The following PKLR variants were observed in gnomAD, a reference collection of about 807,000 sequenced individuals.
PKLR encodes the protein pyruvate kinase PKLR.
Under a neutral mutation model 53.6 loss-of-function variants are expected in PKLR, and 38 were observed. The observed-to-expected ratio is 0.71, with a 90% confidence interval of 0.55 to 0.93. The LOEUF is 0.93. Ranked by LOEUF, PKLR falls within the 40% of genes least tolerant of loss-of-function variation. The probability of loss-of-function intolerance (pLI) is 0.00; values close to 1 mark genes in which losing one functional copy is unlikely to be tolerated. For synonymous variants in PKLR, 328 were observed against 316.2 expected, an observed-to-expected ratio of 1.04 and a Z score of -0.39; for missense variants, 702 against 787.3, an observed-to-expected ratio of 0.89 and a Z score of 1.30.
rs1647477595 is a variant in PKLR at position 155,295,021 on chromosome 1, G to T, written c.694+95C>A. On this transcript the variant is annotated intron_variant, in intron 5 of 10. Transcript: ENST00000342741. The surrounding 1 kb of genome is among the most constrained non-coding windows in gnomAD (Gnocchi z 4.3). ...GGCTGGCAAAAACGCGTGGCCAGGG[G>T]AAGGTGTGATCGGTCTGAGGGCTGA... 1.4e-6 allele frequency: 2 copies of T among 1,380,078 alleles called. No homozygotes were observed. The highest frequency in any genetic ancestry group is 2.9e-5 in the African/African-American group (2 of 69,948). The allele number at this position is 1,380,078 out of a possible 1,614,324, so 85.5% of individuals were successfully genotyped here.
chr1:155,302,045 C>CT (rs1373681282), upstream of PKLR, among the ~76,000 whole-genome samples: 1 of 151,426 alleles, frequency 6.6e-6, no homozygotes, highest in African/African-American at 2.4e-5. Context: ...TTCCTTTTTT[C>CT]TTTTTCTTTT....
chr1:155,306,831 C>T, the PKLR span, among the ~76,000 whole-genome samples: 1 of 152,160 alleles, frequency 6.6e-6, no homozygotes, highest in Admixed American at 6.5e-5. This position sits in a 1 kb window ranked among gnomAD's most constrained non-coding sequence, Gnocchi z 4.2. Context: ...TTCTGATGTT[C>T]AGATGTGTTC....
intron 1 of PKLR, chr1:155,300,999 A>G (rs1647964996): frequency 6.4e-7 from 1 of 1,554,266 alleles, no homozygotes; most frequent in Non-Finnish European, 8.7e-7. Flanking sequence ...GACTGGTTAA[A>G]GTGTCACCAC....
chr1:155,291,994 G>A, intron 9 of PKLR, 57 bp from the exon 10 acceptor site: 9 of 1,537,874 alleles, frequency 5.9e-6, no homozygotes, highest in Middle Eastern at 2.3e-4. Flanking sequence ...AACGAGGAAA[G>A]GAGAATCTTT....
chr1:155,290,722 C>T, intron 10 of PKLR, 44 bp from the exon 11 acceptor site: 1 of 1,161,536 alleles, frequency 8.6e-7, no homozygotes, highest in Non-Finnish European at 1.3e-6. Context: ...GGTGTGGTGG[C>T]TCACACCTGT....
chr1:155,307,104 G>C, the PKLR span, among the ~76,000 whole-genome samples: 1 of 152,102 alleles, frequency 6.6e-6, no homozygotes, highest in Non-Finnish European at 1.5e-5. Flanking sequence ...TAGTAGAGAT[G>C]GGGTTTCACT....
chr1:155,296,154 A>G (rs1647586456), intron 2 of PKLR, among the ~76,000 whole-genome samples: 1 of 152,120 alleles, frequency 6.6e-6, no homozygotes, highest in Admixed American at 6.5e-5. Flanking sequence ...TGGACTGAGG[A>G]GAGCTGAGTT....
chr1:155,295,578 G>C lies in PKLR; in HGVS notation c.376-10C>G, dbSNP rs760501654. On this transcript the variant is annotated splice_polypyrimidine_tract_variant and intron_variant, in intron 3 of 10. Transcript: ENST00000342741. The surrounding 1 kb of genome is among the most constrained non-coding windows in gnomAD (Gnocchi z 4.3). Reference sequence around the variant, plus strand: ...TGGACTCAGCATGGTACTGGGGGAGGGAGCGGAGCGAGGGTTTCAGGGGAA... The same window carrying C: ...TGGACTCAGCATGGTACTGGGGGAGCGAGCGGAGCGAGGGTTTCAGGGGAA... 3 of 1,614,066 alleles carry C rather than the reference G, an allele frequency of 1.9e-6. No homozygotes were observed. The highest frequency in any genetic ancestry group is 2.5e-6 in the Non-Finnish European group (3 of 1,179,988).
upstream of PKLR, among the ~76,000 whole-genome samples, chr1:155,304,576 T>G (rs1461590819): frequency 6.6e-6 from 1 of 151,840 alleles, no homozygotes; most frequent in Non-Finnish European, 1.5e-5. Flanking sequence ...TGGAGATGCA[T>G]TTTGGAGAAG....
At position 155,294,510 on chromosome 1, in the gene PKLR, T is replaced by G. The variant is rs777926506; in HGVS notation, c.937A>C (p.Lys313Gln). ...TTCACGCCTTCGTGGTTCTCAATTTTGCTGATGATCTTGATGCCGTGTCCT... is the reference window on the plus strand; with the variant it reads ...TTCACGCCTTCGTGGTTCTCAATTTGGCTGATGATCTTGATGCCGTGTCCT... ...PEGHGIKIISKIENHEGVKRF... is the reference protein window; with the variant it reads ...PEGHGIKIISQIENHEGVKRF... Residue 313 changes from lysine to glutamine, a missense_variant, in exon 6 of 11, where the codon AAA becomes CAA. Transcript: ENST00000342741. 1 of 1,614,238 alleles carries G rather than the reference T, an allele frequency of 6.2e-7. No homozygotes were observed. Among genetic ancestry groups the G allele is most frequent in the South Asian group, 1.1e-5 (1 of 91,086 alleles).
At position 155,290,480 on chromosome 1, in the gene PKLR, G is replaced by T; in HGVS notation, c.*92C>A. 1 of 768,536 alleles carries T rather than the reference G, an allele frequency of 1.3e-6. No individual in the cohort carries two copies. Among genetic ancestry groups the T allele is most frequent in the Non-Finnish European group, 2.3e-6 (1 of 432,312 alleles). The allele number at this position is 768,536 out of a possible 1,614,324, so 47.6% of individuals were successfully genotyped here. Reference sequence around the variant, plus strand: ...AATAGAGAAGAGAGGACTTAAAGGTGGGGCTTTGGAGGGGTGTGGGCTGGA... The same window carrying T: ...AATAGAGAAGAGAGGACTTAAAGGTTGGGCTTTGGAGGGGTGTGGGCTGGA... On this transcript the variant is annotated 3_prime_UTR_variant, in exon 11 of 11. Transcript: ENST00000342741.
intron 2 of PKLR, among the ~76,000 whole-genome samples, chr1:155,298,041 CTTTCT>C (rs936673538): frequency 5.3e-5 from 8 of 152,010 alleles, no homozygotes; most frequent in African/African-American, 1.7e-4. Context: ...TTCACTTTTT[CTTTCT>C]TTTCTTTTCT....
rs1190182073 is a variant in PKLR at position 155,295,871 on chromosome 1, C to T, written c.284-115G>A. The T allele has an allele frequency of 1.2e-6, 1 of 840,884 alleles. No homozygotes were observed. Among genetic ancestry groups the T allele is most frequent in the African/African-American group, 1.7e-5 (1 of 59,726 alleles). The allele number at this position is 840,884 out of a possible 1,614,324, so 52.1% of individuals were successfully genotyped here. ...CGCCACAGGCGTCCTGTTACCTGAT[C>T]TTTATTCCCTGATGCAACCCCTGCC... On this transcript the variant is annotated intron_variant, in intron 2 of 10. Coordinates refer to ENST00000342741, the MANE Select transcript of PKLR (RefSeq NM_000298.6). This position sits in a 1 kb window ranked among gnomAD's most constrained non-coding sequence, Gnocchi z 4.3.
At position 155,290,622 on chromosome 1, in the gene PKLR, G is replaced by A. The variant is rs532230312; in HGVS notation, c.1675C>T (p.Arg559Ter). The change falls in exon 11 of 11, where the codon CGA (arginine) becomes TGA (stop). Residue 559 changes from arginine (R) to a stop codon, truncating the protein, a stop_gained. Transcript: ENST00000342741. LOFTEE classifies it high-confidence loss of function. ...GDLVIVVTGW[R>*]PGSGYTNIMR... ...ATGTTGGTGTAGCCGGAGCCAGGTC[G>A]CCAGCCTGTCACCACAATCACCAGG... The A allele has an allele frequency of 5.0e-6, 8 of 1,613,346 alleles. No homozygotes were observed. In the Admixed American group the frequency reaches 5.0e-5, roughly 10 times the overall value.
In PKLR at chr1:155,290,591, C is replaced by T. The variant is rs61755431; in HGVS notation, c.1706G>A (p.Arg569Gln). 1.8e-3 allele frequency: 2,831 copies of T among 1,610,328 alleles called. 10 individuals carry two copies. The highest frequency in any genetic ancestry group is 2.3e-3 in the Non-Finnish European group (2,678 of 1,176,746). Residue 569 changes from arginine (R) to glutamine (Q), a missense_variant, in exon 11 of 11, where the codon CGG (arginine) becomes CAG (glutamine). Around this residue, in one of 2 missense-constraint regions of PKLR, gnomAD observed 183 missense variants for 250.2 expected, o/e 0.73. Transcript: ENST00000342741. ...GGCGTCTCAGGATATGCTTAGCACC[C>T]GCATGATGTTGGTGTAGCCGGAGCC... ...RPGSGYTNIM[R>Q]VLSIS is the part of the protein sequence containing the mutation.
chr1:155,300,863 C>T (rs1647954097), intron 1 of PKLR: 2 of 1,610,898 alleles, frequency 1.2e-6, no homozygotes, highest in South Asian at 2.2e-5. Flanking sequence ...TCAGAGGAGC[C>T]CCCGATTCCA....
Position 155,295,477 on chromosome 1 carries a change from T to C in PKLR, c.467A>G (p.Asp156Gly), listed in dbSNP as rs1647530315. The C allele has an allele frequency of 1.2e-6, 2 of 1,609,274 alleles. No individual in the cohort carries two copies. The highest frequency in any genetic ancestry group is 2.2e-5 in the South Asian group (2 of 90,540). The change falls in exon 4 of 11, where the codon GAC becomes GGC. Residue 156 changes from aspartate (D) to glycine (G), a missense_variant. Transcript: ENST00000342741. The surrounding 1 kb of genome is among the most constrained non-coding windows in gnomAD (Gnocchi z 4.3). ...AGTGCGGATCTCCGGTCCCTTGGTG[T>C]CCAGGGCGATGGCCACGGGCCGGTA... ...LSYRPVAIAL[D>G]TKGPEIRTGI... is the part of the protein sequence containing the mutation.
Position 155,294,497 on chromosome 1 carries a change from T to G in PKLR, c.950A>C (p.His317Pro). ...CAAGCCTCACCTCTTCACGCCTTCG[T>G]GGTTCTCAATTTTGCTGATGATCTT... ...GIKIISKIEN[H>P]EGVKRFDEIL... The change falls in exon 6 of 11, where the codon CAC becomes CCC. Residue 317 changes from histidine (H) to proline (P), a missense_variant. Around this residue, in one of 2 missense-constraint regions of PKLR, gnomAD observed 519 missense variants for 537.1 expected, o/e 0.97. Coordinates refer to ENST00000342741, the MANE Select transcript of PKLR (RefSeq NM_000298.6). 6.2e-7 allele frequency: 1 copy of G among 1,614,188 alleles called. No homozygotes were observed. The highest frequency in any genetic ancestry group is 1.1e-5 in the South Asian group (1 of 91,078).
chr1:155,291,035 AATAAT>A (rs1160813274), intron 10 of PKLR, among the ~76,000 whole-genome samples: 1 of 147,512 alleles, frequency 6.8e-6, no homozygotes, highest in Non-Finnish European at 1.5e-5. Flanking sequence ...TAATAATAAT[AATAAT>A]AAAAGAAGAA....
Sources: allele counts gnomAD v4.1 joint callset (sites outside exome capture counted in the v4.1 genomes callset), GRCh38; gene constraint gnomAD v4.1.1; regional missense constraint gnomAD v4.1.1; non-coding constraint Gnocchi (gnomAD v3.1); transcripts MANE v1.5; gene names NCBI Gene and HGNC (gene_info 2026-07-23, HGNC 2026-07-21).